CFAP95: variants seen among roughly 807,000 people sequenced by gnomAD.
CFAP95 encodes cilia- and flagella-associated protein 95.
chr9:69,856,488 A>T, the CFAP95 span: 2 of 855,016 alleles, frequency 2.3e-6, no homozygotes, highest in Non-Finnish European at 3.7e-6. Context: ...CAATAAAAAC[A>T]TGTTTTAGTA....
chr9:69,845,054 G>A, the CFAP95 span, among the ~76,000 whole-genome samples: 189 of 152,310 alleles, frequency 1.2e-3, 1 homozygote, highest in African/African-American at 4.1e-3. Flanking sequence ...CAGCTAGGGC[G>A]TGGAAGAGGG....
the CFAP95 span, among the ~76,000 whole-genome samples, chr9:69,894,065 G>A: frequency 6.6e-6 from 1 of 152,196 alleles, no homozygotes; most frequent in Admixed American, 6.5e-5. Flanking sequence ...CATGGAAACA[G>A]GCTTCTTTGA....
At chr9:69,895,192 C>T in the CFAP95 span, among the ~76,000 whole-genome samples, 1 of 151,932 alleles carries the variant, frequency 6.6e-6, no homozygotes, top group East Asian at 1.9e-4. Context: ...AAGTGGGGCT[C>T]ATTGAATCAG....
the CFAP95 span, among the ~76,000 whole-genome samples, chr9:69,890,860 C>A: frequency 6.6e-6 from 1 of 152,252 alleles, no homozygotes; most frequent in South Asian, 2.1e-4. Context: ...TTTATCATTC[C>A]ATAGCTCTAA....
the CFAP95 span, chr9:69,844,627 T>A: frequency 6.3e-7 from 1 of 1,594,028 alleles, no homozygotes; most frequent in Non-Finnish European, 8.5e-7. Flanking sequence ...GAATCCCCAG[T>A]AAGTAGTTGC....
the CFAP95 span, among the ~76,000 whole-genome samples, chr9:69,889,809 G>T: frequency 1.3e-5 from 2 of 152,204 alleles, no homozygotes; most frequent in African/African-American, 2.4e-5. Flanking sequence ...GAAATATTGT[G>T]CAGCCTTTAT....
chr9:69,861,309 G>A, the CFAP95 span, among the ~76,000 whole-genome samples: 58 of 152,234 alleles, frequency 3.8e-4, no homozygotes, highest in South Asian at 0.012. Flanking sequence ...CTCTATTTTA[G>A]CCTCTCCTTT....
At chr9:69,820,906 G>T in the CFAP95 span, 1 of 1,614,148 alleles carries the variant, frequency 6.2e-7, no homozygotes, top group Non-Finnish European at 8.5e-7. Context: ...GATCCTGCCA[G>T]GACTGGTGCG....
At chr9:69,859,923 A>G in the CFAP95 span, among the ~76,000 whole-genome samples, 1,249 of 152,316 alleles carry the variant, frequency 8.2e-3, 26 homozygotes, top group African/African-American at 0.029. Context: ...ATAAAAAAGT[A>G]CAGTAAAAAT....
chr9:69,890,371 T>C, the CFAP95 span, among the ~76,000 whole-genome samples: 3 of 152,234 alleles, frequency 2.0e-5, no homozygotes, highest in African/African-American at 7.2e-5. Flanking sequence ...TTTGCAATTT[T>C]GTTCACTTAC....
the CFAP95 span, among the ~76,000 whole-genome samples, chr9:69,867,515 T>C: frequency 6.6e-6 from 1 of 152,210 alleles, no homozygotes; most frequent in Non-Finnish European, 1.5e-5. Flanking sequence ...TTTGCAGAGA[T>C]GGCTGCAGCA....
chr9:69,905,692 T>G, the CFAP95 span, among the ~76,000 whole-genome samples: 1 of 152,198 alleles, frequency 6.6e-6, no homozygotes, highest in Non-Finnish European at 1.5e-5. Flanking sequence ...GTATTTGTGG[T>G]TTAGAAAAAT....
chr9:69,857,987 C>A, the CFAP95 span: 1 of 1,610,424 alleles, frequency 6.2e-7, no homozygotes, highest in African/African-American at 1.3e-5. Context: ...TGTTAGTAGT[C>A]CCTAAACTGC....
the CFAP95 span, chr9:69,857,902 G>A: frequency 1.9e-6 from 3 of 1,613,070 alleles, no homozygotes; most frequent in Non-Finnish European, 2.5e-6. Flanking sequence ...ATGTTATCTT[G>A]TTTTAGGGTC....
chr9:69,895,824 C>A, the CFAP95 span, among the ~76,000 whole-genome samples: 4 of 152,066 alleles, frequency 2.6e-5, no homozygotes, highest in African/African-American at 9.7e-5. Flanking sequence ...GAGACAGAGT[C>A]TTGCTCTGTC....
the CFAP95 span, among the ~76,000 whole-genome samples, chr9:69,824,840 C>G: frequency 1.3e-5 from 2 of 152,136 alleles, no homozygotes; most frequent in African/African-American, 2.4e-5. Context: ...AGAAACCTAA[C>G]CTTGTATTTC....
chr9:69,898,476 GT>G, the CFAP95 span, among the ~76,000 whole-genome samples: 2 of 152,174 alleles, frequency 1.3e-5, no homozygotes, highest in East Asian at 3.8e-4. Context: ...TTACAGGAAA[GT>G]TTCAAAAATG....
chr9:69,891,246 G>T, the CFAP95 span, among the ~76,000 whole-genome samples: 1 of 152,314 alleles, frequency 6.6e-6, no homozygotes, highest in East Asian at 1.9e-4. Flanking sequence ...AGGATTGCCT[G>T]TCCTACTACT....
the CFAP95 span, among the ~76,000 whole-genome samples, chr9:69,835,785 G>GTTGCGGCATTGAC: frequency 2.6e-4 from 39 of 152,342 alleles, no homozygotes; most frequent in East Asian, 6.9e-3. Context: ...AAAACAATAT[G>GTTGCGGCATTGAC]AAAGGTGCGG....
Sources: gnomAD v4.1 joint callset for allele counts (sites outside exome capture counted in the v4.1 genomes callset) on GRCh38, gnomAD v4.1.1 for gene constraint, MANE v1.5 for transcripts, NCBI Gene and HGNC (gene_info 2026-07-23, HGNC 2026-07-21) for gene names.